Variants in HCN1 observed in about 807,000 individuals in gnomAD.
The protein encoded by HCN1 is hyperpolarization activated cyclic nucleotide gated potassium channel 1.
HCN1 carries 13 observed loss-of-function variants against 78.9 expected under a neutral mutation model. That is an observed-to-expected ratio of 0.16 (90% confidence interval 0.11 to 0.26). The LOEUF (loss-of-function observed/expected upper bound fraction) is 0.26. HCN1 is among the 10% of genes least tolerant of loss of function. HCN1 has a pLI of 1.00. For synonymous variants in HCN1, 552 were observed against 455.5 expected, an observed-to-expected ratio of 1.21 and a Z score of -2.70; for missense variants, 810 against 1,154.3, an observed-to-expected ratio of 0.70 and a Z score of 4.32.
intron 3 of HCN1, among the ~76,000 whole-genome samples, chr5:45,424,445 A>G (rs932715052): frequency 6.6e-6 from 1 of 152,350 alleles, no homozygotes; most frequent in South Asian, 2.1e-4. Flanking sequence ...TGCAGAAAAT[A>G]AGAAGATTAA....
chr5:45,497,188 G>T (rs1742056490), intron 2 of HCN1, among the ~76,000 whole-genome samples: 1 of 152,170 alleles, frequency 6.6e-6, no homozygotes, highest in African/African-American at 2.4e-5. Flanking sequence ...GTTGATTTGG[G>T]ATGGAGAATT....
chr5:45,442,305 G>A (rs1400930024), intron 3 of HCN1, among the ~76,000 whole-genome samples: 2 of 151,980 alleles, frequency 1.3e-5, no homozygotes, highest in Non-Finnish European at 2.9e-5. Flanking sequence ...GTTAAGGCAG[G>A]AGTCTGAGAC....
At chr5:45,579,836 C>A (rs1406730279) in intron 2 of HCN1, among the ~76,000 whole-genome samples, 3 of 151,976 alleles carry the variant, frequency 2.0e-5, no homozygotes, top group African/African-American at 7.2e-5. Flanking sequence ...TTAAGCAGTG[C>A]AACAATGGAA....
intron 2 of HCN1, among the ~76,000 whole-genome samples, chr5:45,477,145 A>T (rs984819430): frequency 6.6e-6 from 1 of 152,106 alleles, no homozygotes; most frequent in Non-Finnish European, 1.5e-5. Context: ...TTCTCAAACT[A>T]ACTAAAGTAT....
chr5:45,498,257 C>T (rs1286785629), intron 2 of HCN1, among the ~76,000 whole-genome samples: 1 of 152,070 alleles, frequency 6.6e-6, no homozygotes, highest in Non-Finnish European at 1.5e-5. Flanking sequence ...TCACATAGTC[C>T]CATATTTCTT....
At chr5:45,305,990 A>T (rs1745727133) in intron 5 of HCN1, among the ~76,000 whole-genome samples, 2 of 152,144 alleles carry the variant, frequency 1.3e-5, no homozygotes, top group South Asian at 4.1e-4. Context: ...GGCTTGAGAG[A>T]CAAGTCTTCT....
intron 2 of HCN1, among the ~76,000 whole-genome samples, chr5:45,486,456 AC>A (rs1305450257): frequency 6.6e-6 from 1 of 152,106 alleles, no homozygotes; most frequent in Non-Finnish European, 1.5e-5. Flanking sequence ...CTCCTACTAA[AC>A]ATATAAAGAG....
intron 6 of HCN1, among the ~76,000 whole-genome samples, chr5:45,268,971 G>T (rs951618800): frequency 6.6e-6 from 1 of 152,192 alleles, no homozygotes; most frequent in African/African-American, 2.4e-5. Context: ...TATAATTTAT[G>T]ATTGCCACAT....
At chr5:45,531,747 G>A (rs1742856932) in intron 2 of HCN1, among the ~76,000 whole-genome samples, 1 of 151,744 alleles carries the variant, frequency 6.6e-6, no homozygotes, top group African/African-American at 2.4e-5. Context: ...GTTCCAACAT[G>A]ACATCTCTGA....
At chr5:45,372,322 A>C (rs1164010329) in intron 4 of HCN1, among the ~76,000 whole-genome samples, 2 of 100,326 alleles carry the variant, frequency 2.0e-5, no homozygotes, top group African/African-American at 4.2e-5. Context: ...TGAAATATAT[A>C]TGTTATATAA....
intron 2 of HCN1, among the ~76,000 whole-genome samples, chr5:45,572,492 A>G (rs1451118983): frequency 6.6e-6 from 1 of 152,166 alleles, no homozygotes; most frequent in Non-Finnish European, 1.5e-5. Flanking sequence ...ATATCTATAA[A>G]TGATTTTTTA....
At chr5:45,291,363 C>A (rs1745369698) in intron 6 of HCN1, among the ~76,000 whole-genome samples, 1 of 151,958 alleles carries the variant, frequency 6.6e-6, no homozygotes, top group Non-Finnish European at 1.5e-5. Context: ...GTTTTCTGGA[C>A]ACCACACCGA....
At chr5:45,529,780 C>T (rs1742802922) in intron 2 of HCN1, among the ~76,000 whole-genome samples, 1 of 152,046 alleles carries the variant, frequency 6.6e-6, no homozygotes, top group South Asian at 2.1e-4. Flanking sequence ...TGAAGATTTA[C>T]TTTTTGCAAT....
Position 45,303,678 on chromosome 5 carries a change from A to G in HCN1, c.1539T>C (p.Tyr513=), listed in dbSNP as rs750209568. 1 of 1,613,586 alleles carries G rather than the reference A, an allele frequency of 6.2e-7. No individual in the cohort carries two copies. Among genetic ancestry groups the G allele is most frequent in the Admixed American group, 1.7e-5 (1 of 59,914 alleles). The change falls in exon 6 of 8, where the codon TAT becomes TAC. Residue 513 remains tyrosine (Y), a synonymous_variant. Coordinates refer to ENST00000303230, the MANE Select transcript of HCN1 (RefSeq NM_021072.4). ...CACCAGCAACACCGTGTTGAATGAA[A>G]TACATTTTTTTACCCACGGCTCCTT... ...IREGAVGKKM[Y]FIQHGVAGVI... is the part of the protein sequence containing the mutation.
chr5:45,568,819 T>C (rs1196022850), intron 2 of HCN1, among the ~76,000 whole-genome samples: 1 of 152,068 alleles, frequency 6.6e-6, no homozygotes, highest in African/African-American at 2.4e-5. Flanking sequence ...AAACAATACA[T>C]CAAAATATGG....
At chr5:45,472,631 G>A (rs1182833483) in intron 2 of HCN1, among the ~76,000 whole-genome samples, 10 of 92,412 alleles carry the variant, frequency 1.1e-4, no homozygotes, top group Non-Finnish European at 1.7e-4. Flanking sequence ...AAGGAAAGGG[G>A]GGAGGGAGGG....
At chr5:45,690,304 T>C (rs1035924666) in intron 1 of HCN1, among the ~76,000 whole-genome samples, 1 of 152,072 alleles carries the variant, frequency 6.6e-6, no homozygotes, top group African/African-American at 2.4e-5. Context: ...CGTGGTCAAC[T>C]ATTAGACAAA....
At chr5:45,451,971 A>G (rs1043343944) in intron 3 of HCN1, among the ~76,000 whole-genome samples, 1 of 152,040 alleles carries the variant, frequency 6.6e-6, no homozygotes, top group African/African-American at 2.4e-5. Flanking sequence ...ATTATAAATA[A>G]TATTCATTCT....
chr5:45,288,486 T>A (rs1001072296), intron 6 of HCN1, among the ~76,000 whole-genome samples: 2 of 152,012 alleles, frequency 1.3e-5, no homozygotes, highest in Admixed American at 6.6e-5. Context: ...TCTGTCTTAA[T>A]AATCTCATTT....
Sources: allele counts gnomAD v4.1 joint callset (sites outside exome capture counted in the v4.1 genomes callset), GRCh38; gene constraint gnomAD v4.1.1; transcripts MANE v1.5; gene names NCBI Gene and HGNC (gene_info 2026-07-23, HGNC 2026-07-21).